The following WWP2 variants were observed in gnomAD, a reference collection of about 807,000 sequenced individuals.
WWP2 encodes the protein WW domain containing E3 ubiquitin protein ligase 2, also known as NEDD4-like E3 ubiquitin-protein ligase WWP2.
Under a neutral mutation model 121.0 loss-of-function variants are expected in WWP2, and 57 were observed. The ratio of observed to expected loss-of-function variants is 0.47; its 90% confidence interval spans 0.38 to 0.59. The LOEUF (loss-of-function observed/expected upper bound fraction) is 0.59, where lower values mean the gene tolerates loss of function less well. Among genes scored for constraint, WWP2 ranks in the 20% least tolerant of loss-of-function variants. WWP2 has a pLI of 0.00. For missense variants in WWP2, 962 were observed against 1,158.9 expected (o/e 0.83, Z 2.47); for synonymous variants, 449 against 441.3 (o/e 1.02, Z -0.22).
intron 4 of WWP2, among the ~76,000 whole-genome samples, chr16:69,836,691 A>C (rs2056882631): frequency 6.6e-6 from 1 of 151,820 alleles, no homozygotes; most frequent in South Asian, 2.1e-4. Flanking sequence ...GCTCACTGCA[A>C]TGTATGCCCC....
At chr16:69,816,746 T>C (rs1443035014) in intron 4 of WWP2, among the ~76,000 whole-genome samples, 2 of 152,162 alleles carry the variant, frequency 1.3e-5, no homozygotes, top group Admixed American at 6.5e-5. Flanking sequence ...CGTATACATA[T>C]ACACACGTAT....
rs1169892095 is a variant in WWP2, at chr16:69,888,280, C to A, written c.914+31C>A. The stretch of plus-strand genomic sequence containing the variant: ...TAGTCTTCTGTCCCATAACAGATCT[C>A]TCCTCCTCAAAGACTGAGGCTCCTT... On this transcript the variant is annotated intron_variant, in intron 8 of 23. Transcript: ENST00000359154. 6 of 1,600,654 alleles carry A rather than the reference C, an allele frequency of 3.7e-6. No homozygotes were observed. In the East Asian group the frequency reaches 1.3e-4, roughly 36 times the overall value.
intron 1 of WWP2, among the ~76,000 whole-genome samples, chr16:69,784,655 A>C (rs2151790994): frequency 6.6e-6 from 1 of 152,284 alleles, no homozygotes; most frequent in Middle Eastern, 3.4e-3. Flanking sequence ...CGTGTTTTTA[A>C]TATTCTGTGT....
chr16:69,815,194 G>C (rs1223962804), intron 4 of WWP2, among the ~76,000 whole-genome samples: 1 of 151,938 alleles, frequency 6.6e-6, no homozygotes, highest in Non-Finnish European at 1.5e-5. Flanking sequence ...GTAGAGACAG[G>C]GTTTCACCAT....
chr16:69,912,117 A>G (rs976058591), intron 9 of WWP2, among the ~76,000 whole-genome samples: 3 of 152,054 alleles, frequency 2.0e-5, no homozygotes, highest in Non-Finnish European at 4.4e-5. Context: ...GTGAAACCCC[A>G]TCTGTACTAA....
At chr16:69,936,503 G>C (rs2058800947) in intron 19 of WWP2, 51 bp downstream of exon 19, 3 of 1,607,740 alleles carry the variant, frequency 1.9e-6, no homozygotes, top group South Asian at 1.1e-5. Flanking sequence ...TGGAGATCTA[G>C]TGGGTTGCAG....
intron 4 of WWP2, among the ~76,000 whole-genome samples, chr16:69,828,299 G>C (rs898734409): frequency 6.6e-6 from 1 of 152,036 alleles, no homozygotes. Flanking sequence ...AACCCTTCTT[G>C]ATCTTCCTCC....
At chr16:69,793,425 C>T (rs2055956059) in intron 2 of WWP2, among the ~76,000 whole-genome samples, 1 of 152,106 alleles carries the variant, frequency 6.6e-6, no homozygotes, top group Non-Finnish European at 1.5e-5. Flanking sequence ...TTAATTGACA[C>T]AAAACAGGCC....
At chr16:69,850,386 C>CAA (rs575466932) in intron 6 of WWP2, among the ~76,000 whole-genome samples, 10,767 of 118,198 alleles carry the variant, frequency 0.091, 738 homozygotes, top group East Asian at 0.35. Context: ...GACTCCATCT[C>CAA]AAAAAAAAAA....
At chr16:69,812,688 C>G (rs1180265967) in intron 4 of WWP2, among the ~76,000 whole-genome samples, 1 of 151,988 alleles carries the variant, frequency 6.6e-6, no homozygotes, top group East Asian at 1.9e-4. Flanking sequence ...GGGCTGTCTG[C>G]TTTTCCTCAT....
At chr16:69,770,349 T>G (rs2055388858) in intron 1 of WWP2, among the ~76,000 whole-genome samples, 1 of 152,112 alleles carries the variant, frequency 6.6e-6, no homozygotes, top group Admixed American at 6.6e-5. Context: ...AGTGACTTAA[T>G]TGATCATGCC....
rs1279830657 is a variant in WWP2 at position 69,917,696 on chromosome 16, T to C, written c.1005-13T>C. 2 of 1,595,814 alleles carry C rather than the reference T, an allele frequency of 1.3e-6. No individual in the cohort carries two copies. Among genetic ancestry groups the C allele is most frequent in the Non-Finnish European group, 1.7e-6 (2 of 1,164,478 alleles). On this transcript the variant is annotated splice_polypyrimidine_tract_variant and intron_variant, in intron 9 of 23. Coordinates refer to ENST00000359154, the MANE Select transcript of WWP2 (RefSeq NM_001270454.2). ...GGTGGTCATTATATTCATTCTGAGG[T>C]TCCTATTTCCAGCTGGGAAAAACGC...
chr16:69,824,924 C>G (rs1567686982), intron 4 of WWP2, among the ~76,000 whole-genome samples: 1 of 151,994 alleles, frequency 6.6e-6, no homozygotes, highest in Non-Finnish European at 1.5e-5. Context: ...GCATGCACAA[C>G]CATGCCTGAC....
chr16:69,866,093 C>T (rs1268445415), intron 6 of WWP2, among the ~76,000 whole-genome samples: 2 of 152,112 alleles, frequency 1.3e-5, no homozygotes, highest in Non-Finnish European at 2.9e-5. Flanking sequence ...TAAGGTTTCT[C>T]TGGCGTCTTC....
At chr16:69,798,268 C>T (rs72783184) in intron 2 of WWP2, among the ~76,000 whole-genome samples, 8,741 of 152,142 alleles carry the variant, frequency 0.057, 301 homozygotes, top group Middle Eastern at 0.11. Flanking sequence ...TTCCCCAGAG[C>T]GAACAATTGC....
At chr16:69,777,903 T>C (rs1475933459) in intron 1 of WWP2, among the ~76,000 whole-genome samples, 3 of 150,340 alleles carry the variant, frequency 2.0e-5, no homozygotes, top group Non-Finnish European at 3.0e-5. Flanking sequence ...CCTTCATCTG[T>C]ACAAAAAATT....
chr16:69,867,353 G>A (rs2057545473), intron 6 of WWP2, among the ~76,000 whole-genome samples: 1 of 152,158 alleles, frequency 6.6e-6, no homozygotes, highest in South Asian at 2.1e-4. Context: ...ACAAATCACA[G>A]CATTTCCACT....
chr16:69,890,544 G>A (rs1165595547), intron 8 of WWP2, among the ~76,000 whole-genome samples: 2 of 152,136 alleles, frequency 1.3e-5, no homozygotes, highest in South Asian at 4.1e-4. Flanking sequence ...TTATAATTTG[G>A]GGGGAACAAT....
chr16:69,819,663 C>T (rs2056558447), intron 4 of WWP2, among the ~76,000 whole-genome samples: 1 of 152,184 alleles, frequency 6.6e-6, no homozygotes, highest in Non-Finnish European at 1.5e-5. Context: ...CTGCCTTGGC[C>T]TCCCAAATGC....
Sources: allele counts gnomAD v4.1 joint callset (sites outside exome capture counted in the v4.1 genomes callset), GRCh38; gene constraint gnomAD v4.1.1; transcripts MANE v1.5; gene names NCBI Gene and HGNC (gene_info 2026-07-23, HGNC 2026-07-21).